The following PPARG variants were observed in gnomAD, a reference collection of about 807,000 sequenced individuals.
PPARG encodes the protein peroxisome proliferator-activated receptor gamma.
A neutral mutation model predicts 39.2 loss-of-function variants in PPARG; 17 were observed. The ratio of observed to expected loss-of-function variants is 0.43; its 90% CI spans 0.30 to 0.65. The LOEUF is 0.65. Among genes scored for constraint, PPARG ranks in the 30% least tolerant of loss-of-function variants. The pLI is 0.13. For synonymous variants in PPARG, 223 were observed against 215.7 expected (o/e 1.03, Z -0.30); for missense variants, 406 against 585.9 (o/e 0.69, Z 3.17).
At position 12,392,637 on chromosome 3, in the gene PPARG, A is replaced by G. The variant is rs368726572; in HGVS notation, c.414A>G (p.Arg138=). ...GCKGFFRRTI[R]LKLIYDRCDL... The stretch of plus-strand genomic sequence containing the variant: ...AGGGTTTCTTCCGGAGAACAATCAG[A>G]TTGAAGCTTATCTATGACAGATGTG... Residue 138 remains arginine (R), a synonymous_variant, in exon 5 of 8, where the codon AGA becomes AGG. Coordinates refer to ENST00000651735, the MANE Select transcript of PPARG (RefSeq NM_138711.6). The G allele has an allele frequency of 3.1e-6, 5 of 1,613,794 alleles. No homozygotes were observed. In the African/African-American group the frequency reaches 6.7e-5, roughly 22 times the overall value.
At chr3:12,401,421 A>G (rs1227011952) in intron 5 of PPARG, among the ~76,000 whole-genome samples, 3 of 152,328 alleles carry the variant, frequency 2.0e-5, no homozygotes, top group African/African-American at 7.2e-5. Context: ...CATAGTTACC[A>G]AGACCACAGC....
intron 5 of PPARG, among the ~76,000 whole-genome samples, chr3:12,396,711 T>C (rs980934532): frequency 1.3e-5 from 2 of 150,236 alleles, no homozygotes; most frequent in South Asian, 2.1e-4. Context: ...TGAGCCATGA[T>C]TGCACCACTG....
At chr3:12,417,365 C>A (rs1221876955) in intron 7 of PPARG, among the ~76,000 whole-genome samples, 2 of 152,126 alleles carry the variant, frequency 1.3e-5, no homozygotes, top group Non-Finnish European at 2.9e-5. Context: ...CCAGGATCTT[C>A]TCTTTCATCC....
chr3:12,326,155 C>G (rs2047687616), intron 2 of PPARG, among the ~76,000 whole-genome samples: 2 of 152,170 alleles, frequency 1.3e-5, no homozygotes, highest in African/African-American at 4.8e-5. Context: ...ATACCTTTTA[C>G]TTCCTTATGA....
At chr3:12,374,172 G>A (rs1376014986) in intron 2 of PPARG, among the ~76,000 whole-genome samples, 1 of 152,110 alleles carries the variant, frequency 6.6e-6, no homozygotes, top group Non-Finnish European at 1.5e-5. Context: ...TACTAGTAGA[G>A]GACAGCAAAA....
intron 2 of PPARG, among the ~76,000 whole-genome samples, chr3:12,327,000 G>T (rs548648824): frequency 1.3e-5 from 2 of 152,030 alleles, no homozygotes; most frequent in Non-Finnish European, 2.9e-5. Context: ...TTAAAGGTTT[G>T]TTCAATTTTA....
chr3:12,310,706 G>A (rs2047209973), intron 1 of PPARG, among the ~76,000 whole-genome samples: 1 of 77,610 alleles, frequency 1.3e-5, no homozygotes, highest in South Asian at 3.9e-4. Context: ...CTCGTGATCC[G>A]CCCGCCTCGG....
chr3:12,297,792 G>A (rs997111030), intron 1 of PPARG: 1 of 152,008 alleles, frequency 6.6e-6, no homozygotes, highest in Non-Finnish European at 1.5e-5. Flanking sequence ...TTCTTTTAAA[G>A]CCCTTCTCTC....
At chr3:12,405,686 G>A (rs1270733277) in intron 5 of PPARG, among the ~76,000 whole-genome samples, 196 bp from the exon 6 acceptor site, 4 of 152,186 alleles carry the variant, frequency 2.6e-5, no homozygotes, top group Admixed American at 6.5e-5. Context: ...GAAAGTTAAC[G>A]GTTTAATTTT....
chr3:12,430,723 C>T (rs1352799557), intron 7 of PPARG, among the ~76,000 whole-genome samples: 1 of 151,942 alleles, frequency 6.6e-6, no homozygotes, highest in Non-Finnish European at 1.5e-5. Flanking sequence ...ATGAGATGAA[C>T]AGGAGAGAGG....
intron 2 of PPARG, among the ~76,000 whole-genome samples, chr3:12,320,152 G>A (rs182297669): frequency 4.6e-5 from 7 of 152,250 alleles, no homozygotes; most frequent in African/African-American, 1.2e-4. Flanking sequence ...TTCCTAGCAC[G>A]TAGTAACTAA....
At chr3:12,301,970 A>C (rs2046938010) in intron 1 of PPARG, 1 of 152,234 alleles carries the variant, frequency 6.6e-6, no homozygotes, top group African/African-American at 2.4e-5. Flanking sequence ...ACAAAGGGAG[A>C]TACCAGAGCT....
chr3:12,319,399 A>T (rs1304976825), intron 2 of PPARG, among the ~76,000 whole-genome samples: 1 of 152,228 alleles, frequency 6.6e-6, no homozygotes. Context: ...GGAGTATAAA[A>T]AATCTATTAT....
intron 2 of PPARG, chr3:12,371,706 A>G (rs538761850): frequency 2.3e-6 from 1 of 432,934 alleles, no homozygotes; most frequent in African/African-American, 2.0e-5. Context: ...AGCGCTGAGA[A>G]TGCCAGGCTC....
chr3:12,351,496 T>C, intron 2 of PPARG: 1 of 931,882 alleles, frequency 1.1e-6, no homozygotes, highest in South Asian at 1.3e-5. Context: ...TCACAAATTC[T>C]GTTACTTCAA....
At chr3:12,417,252 C>A in intron 7 of PPARG, 98 bp downstream of exon 7, 1 of 1,195,416 alleles carries the variant, frequency 8.4e-7, no homozygotes, top group Non-Finnish European at 1.2e-6. Flanking sequence ...TGCATTGTCA[C>A]TTTAAGTGCC....
At chr3:12,378,320 A>G (rs979771379) in intron 2 of PPARG, among the ~76,000 whole-genome samples, 5 of 152,222 alleles carry the variant, frequency 3.3e-5, no homozygotes, top group African/African-American at 1.2e-4. Flanking sequence ...CTGCTCTCCC[A>G]TGTTCACTGC....
At chr3:12,426,936 T>G (rs1164701382) in intron 7 of PPARG, among the ~76,000 whole-genome samples, 1 of 152,180 alleles carries the variant, frequency 6.6e-6, no homozygotes. Flanking sequence ...GGCCACACAT[T>G]AGAATCACCC....
intron 5 of PPARG, among the ~76,000 whole-genome samples, chr3:12,405,494 T>C (rs2050626230): frequency 6.6e-6 from 1 of 152,238 alleles, no homozygotes; most frequent in Admixed American, 6.5e-5. Flanking sequence ...TTGATCCTTC[T>C]AGTGCCTGAC....
Sources: gnomAD v4.1 joint callset for allele counts (sites outside exome capture counted in the v4.1 genomes callset) on GRCh38, gnomAD v4.1.1 for gene constraint, MANE v1.5 for transcripts, NCBI Gene and HGNC (gene_info 2026-07-23, HGNC 2026-07-21) for gene names.